The following PASD1 variants were observed in gnomAD, a reference collection of about 807,000 sequenced individuals.
PASD1 encodes the protein PAS domain containing repressor 1, also known as circadian clock protein PASD1.
In PASD1, 13 loss-of-function variants were observed where a neutral mutation model predicts 58.8. The ratio of observed to expected loss-of-function variants is 0.22; its 90% CI spans 0.14 to 0.35. PASD1 has a LOEUF of 0.35. Among genes scored for constraint, PASD1 ranks in the 10% least tolerant of loss-of-function variants. The probability of loss-of-function intolerance (pLI) is 1.00; values close to 1 mark genes in which losing one functional copy is unlikely to be tolerated. For missense variants in PASD1, 734 were observed against 568.3 expected, an observed-to-expected ratio of 1.29 and a Z score of -2.96; for synonymous variants, 236 against 216.7, an observed-to-expected ratio of 1.09 and a Z score of -0.78.
At chrX:151,637,335 G>A (rs2013942694) in intron 8 of PASD1, among the ~76,000 whole-genome samples, 1 of 111,953 alleles carries the variant, frequency 8.9e-6, no homozygotes, top group South Asian at 3.8e-4. Flanking sequence ...GTGCCATTTT[G>A]CATTCCTACT....
In PASD1 at chrX:151,629,159, G is replaced by A. The variant is rs369748618; in HGVS notation, c.629+3629G>A. On this transcript the variant is annotated intron_variant, in intron 8 of 15. Transcript: ENST00000370357. ...TTTTGAGATGGAGTCTCACTCTGTC[G>A]CCCAGGCTGGAATGCAGTGGTGCAA... Among the ~76,000 whole-genome samples, 101 of 110,848 alleles carry A rather than the reference G, an allele frequency of 9.1e-4. 2 individuals are homozygous for A. The East Asian group carries it at 0.017, about 18-fold the overall frequency.
intron 1 of PASD1, among the ~76,000 whole-genome samples, chrX:151,594,989 C>G (rs1402649944): frequency 9.0e-6 from 1 of 111,675 alleles, no homozygotes; most frequent in Middle Eastern, 4.2e-3. Flanking sequence ...TTGAGTTGTT[C>G]TGATGGGAAG....
chrX:151,658,845 C>T (rs955254325), intron 9 of PASD1, among the ~76,000 whole-genome samples: 4 of 112,400 alleles, frequency 3.6e-5, no homozygotes, highest in African/African-American at 9.7e-5. Flanking sequence ...AAACCAGGTA[C>T]TTAAATTTCA....
chrX:151,654,916 C>T (rs914364747), intron 9 of PASD1, among the ~76,000 whole-genome samples: 3 of 110,578 alleles, frequency 2.7e-5, no homozygotes, highest in African/African-American at 9.9e-5. Flanking sequence ...AGGTTTGTCA[C>T]ATATGTATAC....
At chrX:151,651,213 A>G (rs112148975) in intron 9 of PASD1, among the ~76,000 whole-genome samples, 5 of 111,794 alleles carry the variant, frequency 4.5e-5, no homozygotes, top group African/African-American at 1.6e-4. Flanking sequence ...CCCTAATGAT[A>G]TGGTTTGGAT....
intron 9 of PASD1, among the ~76,000 whole-genome samples, chrX:151,656,012 A>G (rs2014236155): frequency 8.9e-6 from 1 of 112,100 alleles, no homozygotes; most frequent in African/African-American, 3.2e-5. Context: ...TATTTGATCC[A>G]TCTTGAATTA....
chrX:151,670,102 C>T (rs2014445043), intron 11 of PASD1, among the ~76,000 whole-genome samples: 1 of 112,150 alleles, frequency 8.9e-6, no homozygotes, highest in Non-Finnish European at 1.9e-5. Context: ...TCGTCTACCT[C>T]TGGATTGTTC....
In PASD1 at chrX:151,601,527, G is replaced by T; in HGVS notation, c.-27G>T. 1.7e-6 allele frequency: 2 copies of T among 1,204,523 alleles called. No individual in the cohort carries two copies. The highest frequency in any genetic ancestry group is 3.0e-5 in the East Asian group (1 of 33,763). On this transcript the variant is annotated splice_region_variant and 5_prime_UTR_variant, in exon 2 of 16. Coordinates refer to ENST00000370357, the MANE Select transcript of PASD1 (RefSeq NM_173493.3). Reference sequence around the variant, plus strand: ...AAATGTTGCTTCACTTTGATTTCAGGAGTCTTCCTACGTCACTGAATAATG... The same window carrying T: ...AAATGTTGCTTCACTTTGATTTCAGTAGTCTTCCTACGTCACTGAATAATG...
chrX:151,665,383 T>G (rs1409436457), intron 11 of PASD1, among the ~76,000 whole-genome samples: 1 of 112,206 alleles, frequency 8.9e-6, no homozygotes, highest in Non-Finnish European at 1.9e-5. Flanking sequence ...AGTATAACTT[T>G]TAAAAAATCA....
At chrX:151,671,925 C>A in intron 13 of PASD1, 146 bp downstream of exon 13, 1 of 742,670 alleles carries the variant, frequency 1.3e-6, no homozygotes, top group South Asian at 2.8e-5. Context: ...CCTGGGCTAC[C>A]TAGACCTGAA....
At chrX:151,643,836 C>CCTCATCTAT (rs1180453663) in intron 8 of PASD1, among the ~76,000 whole-genome samples, 2 of 111,720 alleles carry the variant, frequency 1.8e-5, no homozygotes, top group Non-Finnish European at 3.8e-5. Context: ...ATCTATAAAG[C>CCTCATCTAT]AGAGATGATA....
intron 1 of PASD1, among the ~76,000 whole-genome samples, chrX:151,582,430 T>C (rs2013112197): frequency 9.0e-6 from 1 of 111,311 alleles, no homozygotes; most frequent in African/African-American, 3.3e-5. Flanking sequence ...TACAGACCTG[T>C]ACCACCATGC....
rs754493270 is a variant in PASD1 at position 151,669,508 on chromosome X, T to C, written c.1072-1530T>C. ...AACTTGTTCCTAACGTTTAACTGTA[T>C]TTTGGTACCCAGTAATCAACTTCTC... On this transcript the variant is annotated intron_variant, in intron 11 of 15. Coordinates refer to ENST00000370357, the MANE Select transcript of PASD1 (RefSeq NM_173493.3). 3.6e-5 allele frequency among the ~76,000 whole-genome samples: 4 copies of C among 110,780 alleles called. No homozygotes were observed. The East Asian group carries it at 1.1e-3, about 31-fold the overall frequency.
At chrX:151,611,823 C>A in intron 4 of PASD1, 70 bp downstream of exon 4, 3 of 812,175 alleles carry the variant, frequency 3.7e-6, no homozygotes, top group Non-Finnish European at 5.3e-6. Context: ...TATTTATTTT[C>A]TTTTTTTATT....
At chrX:151,653,736 CTCTT>C (rs1215992088) in intron 9 of PASD1, among the ~76,000 whole-genome samples, 12 of 83,877 alleles carry the variant, frequency 1.4e-4, no homozygotes, top group African/African-American at 4.2e-4. Flanking sequence ...TTCTCTCTCT[CTCTT>C]TCTTTCCTTC....
intron 4 of PASD1, among the ~76,000 whole-genome samples, chrX:151,617,115 G>GA (rs2013646676): frequency 9.0e-6 from 1 of 111,200 alleles, no homozygotes; most frequent in African/African-American, 3.3e-5. Flanking sequence ...CTTGGCTTTT[G>GA]AAAAACCACC....
Position 151,672,472 on chromosome X carries a change from T to C in PASD1, c.1727T>C (p.Val576Ala), listed in dbSNP as rs2014490861. ...QLQEQPLKHN[V>A]IVGNERVQIC... ...CAAGAGCAGCCACTGAAGCATAATG[T>C]CATCGTGGGGAATGAGAGGGTGCAG... The change falls in exon 14 of 16, where the codon GTC (valine) becomes GCC (alanine). Residue 576 changes from valine to alanine, a missense_variant. Physicochemically the swap from Val to Ala is moderately conservative, Grantham distance 64. Transcript: ENST00000370357. 2 of 1,211,657 alleles carry C rather than the reference T, an allele frequency of 1.7e-6. No individual in the cohort carries two copies. Among genetic ancestry groups the C allele is most frequent in the African/African-American group, 3.5e-5 (2 of 57,722 alleles).
chrX:151,669,768 A>G (rs1413209232), intron 11 of PASD1, among the ~76,000 whole-genome samples: 1 of 111,985 alleles, frequency 8.9e-6, no homozygotes, highest in Non-Finnish European at 1.9e-5. Context: ...TGTATATATA[A>G]CACATTTTCT....
chrX:151,607,973 T>C (rs1372662719), intron 3 of PASD1, among the ~76,000 whole-genome samples: 1 of 111,656 alleles, frequency 9.0e-6, no homozygotes, highest in Non-Finnish European at 1.9e-5. Context: ...TTTTTGTTAT[T>C]GTGAGCAGGT....
Sources: gnomAD v4.1 joint callset for allele counts (sites outside exome capture counted in the v4.1 genomes callset) on GRCh38, gnomAD v4.1.1 for gene constraint, MANE v1.5 for transcripts, NCBI Gene and HGNC (gene_info 2026-07-23, HGNC 2026-07-21) for gene names.